Variants in CFAP58 observed in about 807,000 individuals in gnomAD.
CFAP58 encodes cilia- and flagella-associated protein 58.
Under a neutral mutation model 119.5 loss-of-function variants are expected in CFAP58, and 88 were observed. That is an observed-to-expected ratio of 0.74 (90% CI 0.62 to 0.88). The LOEUF (loss-of-function observed/expected upper bound fraction) is 0.88, where lower values mean the gene tolerates loss of function less well. Ranked by LOEUF, CFAP58 falls within the 40% of genes least tolerant of loss-of-function variation. CFAP58 has a pLI of 0.00. For synonymous variants in CFAP58, 365 were observed against 366.3 expected (o/e 1.00, Z 0.04); for missense variants, 990 against 1,021.2 (o/e 0.97, Z 0.42).
Position 104,365,134 on chromosome 10 carries a change from T to TA in CFAP58, c.597+246dup, listed in dbSNP as rs1442149552. On this transcript the variant is annotated intron_variant, in intron 4 of 17. Transcript: ENST00000369704. Reference sequence around the variant, plus strand: ...GTCACTGAGGCGGGCACTCCCTACTTACAATTCTGGCTCAAAAAGATGATC... The same window carrying TA: ...GTCACTGAGGCGGGCACTCCCTACTTAACAATTCTGGCTCAAAAAGATGATC... 2.0e-5 allele frequency among the ~76,000 whole-genome samples: 3 copies of TA among 152,154 alleles called. No homozygotes were observed. In the East Asian group the frequency reaches 5.8e-4, roughly 29 times the overall value.
At chr10:104,398,632 A>G (rs1016851458) in intron 11 of CFAP58, among the ~76,000 whole-genome samples, 10 of 152,180 alleles carry the variant, frequency 6.6e-5, no homozygotes, top group African/African-American at 2.4e-4. Flanking sequence ...TCTCTGAGAA[A>G]GCAGTCCTGC....
At chr10:104,446,402 G>A (rs2013113846) in intron 15 of CFAP58, among the ~76,000 whole-genome samples, 1 of 152,102 alleles carries the variant, frequency 6.6e-6, no homozygotes, top group Non-Finnish European at 1.5e-5. Flanking sequence ...TCTATAAATA[G>A]AGCTATGTTT....
In CFAP58 at chr10:104,354,240, A is replaced by C. The variant is rs146198448; in HGVS notation, c.9+334A>C. ...GTGATACCATAAGAGAGGCTCACAC[A>C]GAAATATTGGAGATGTCTTATCTCA... is the stretch of plus-strand genomic sequence containing the variant. On this transcript the variant is annotated intron_variant, in intron 1 of 17. Coordinates refer to ENST00000369704, the MANE Select transcript of CFAP58 (RefSeq NM_001008723.2). Among the ~76,000 whole-genome samples the C allele has an allele frequency of 2.0e-4, 30 of 152,302 alleles. 1 individual carries two copies. Among genetic ancestry groups the C allele is most frequent in the East Asian group, 7.7e-4 (4 of 5,184 alleles).
intron 2 of CFAP58, among the ~76,000 whole-genome samples, chr10:104,359,000 G>C (rs1472773688): frequency 6.6e-6 from 1 of 152,126 alleles, no homozygotes; most frequent in Non-Finnish European, 1.5e-5. Context: ...TTTTTCTCCT[G>C]TTTTAGTAAA....
intron 9 of CFAP58, 24 bp from the exon 10 acceptor site, chr10:104,392,209 T>C: frequency 6.2e-7 from 1 of 1,602,106 alleles, no homozygotes; most frequent in Non-Finnish European, 8.5e-7. Context: ...TTTAACCACA[T>C]TCATATATGT....
upstream of CFAP58, among the ~76,000 whole-genome samples, chr10:104,350,986 C>T (rs1000560457): frequency 3.2e-4 from 49 of 152,128 alleles, no homozygotes; most frequent in Non-Finnish European, 2.4e-4. Flanking sequence ...TGACCAGGGC[C>T]CTCTAGGTCT....
the CFAP58 span, among the ~76,000 whole-genome samples, chr10:104,340,495 C>G: frequency 6.6e-6 from 1 of 152,156 alleles, no homozygotes; most frequent in African/African-American, 2.4e-5. Flanking sequence ...TCCTGGAACC[C>G]TCATGTCTGG....
chr10:104,434,521 T>C (rs12263098), intron 15 of CFAP58, among the ~76,000 whole-genome samples: 13,003 of 152,190 alleles, frequency 0.085, 1,557 homozygotes, highest in African/African-American at 0.26. Context: ...CACATGCCAT[T>C]AGGTTATCTA....
chr10:104,397,069 A>G (rs2133038563), intron 11 of CFAP58, among the ~76,000 whole-genome samples: 1 of 152,358 alleles, frequency 6.6e-6, no homozygotes, highest in South Asian at 2.1e-4. Context: ...TTTGAATATA[A>G]CAGGGGTTTC....
rs1345312677 is a variant in CFAP58 at position 104,438,370 on chromosome 10, TTTTG to T, written c.2257-9324_2257-9321del. Among the ~76,000 whole-genome samples the T allele has an allele frequency of 6.3e-4, 78 of 124,438 alleles. 4 individuals carry two copies. Among genetic ancestry groups the T allele is most frequent in the African/African-American group, 2.8e-3 (66 of 23,646 alleles). The allele number at this position is 124,438 out of a possible 152,430, so 81.6% of individuals were successfully genotyped here. A position where few individuals can be genotyped will look rare whatever the true frequency, so the allele number is the denominator to read the frequency against. On this transcript the variant is annotated intron_variant, in intron 15 of 17. Coordinates refer to ENST00000369704, the MANE Select transcript of CFAP58 (RefSeq NM_001008723.2). ...TTTGTTTTTTTTTTTTGTTTTTTTT[TTTTG>T]TTTTTTTTTTTTGAGACGGAGTCTC...
intron 15 of CFAP58, among the ~76,000 whole-genome samples, chr10:104,418,785 G>A (rs2012595709): frequency 6.6e-6 from 1 of 152,170 alleles, no homozygotes; most frequent in Non-Finnish European, 1.5e-5. Context: ...TACACTAAAG[G>A]TAATTCTTGC....
At chr10:104,349,666 G>A (rs939143534), upstream of CFAP58, among the ~76,000 whole-genome samples, 1 of 152,336 alleles carries the variant, frequency 6.6e-6, no homozygotes, top group Middle Eastern at 3.4e-3. Context: ...AGCTCCTGTA[G>A]TTTGACGGTG....
intron 9 of CFAP58, among the ~76,000 whole-genome samples, chr10:104,389,893 T>G (rs2011998804): frequency 6.6e-6 from 1 of 152,192 alleles, no homozygotes; most frequent in African/African-American, 2.4e-5. Flanking sequence ...GGAAAATGCA[T>G]GCAGAATCCT....
chr10:104,416,186 A>G (rs1398716663), intron 15 of CFAP58, among the ~76,000 whole-genome samples: 3 of 152,212 alleles, frequency 2.0e-5, no homozygotes, highest in Non-Finnish European at 4.4e-5. Flanking sequence ...ATGTATTACT[A>G]GAAGGGTTAA....
upstream of CFAP58, chr10:104,353,643 G>A: frequency 4.0e-6 from 2 of 501,006 alleles, no homozygotes; most frequent in Non-Finnish European, 7.3e-6. Context: ...CGCCCCATTG[G>A]GATATATTTG....
chr10:104,382,227 G>T, intron 9 of CFAP58: 1 of 716,970 alleles, frequency 1.4e-6, no homozygotes, highest in South Asian at 1.5e-5. Flanking sequence ...GAAGGGCACA[G>T]ATCCTACCCA....
intron 16 of CFAP58, among the ~76,000 whole-genome samples, chr10:104,449,584 G>A (rs886986458): frequency 3.9e-5 from 6 of 152,148 alleles, no homozygotes; most frequent in African/African-American, 1.2e-4. Context: ...CACAACCCTG[G>A]AAAACACATA....
chr10:104,368,458 A>G lies in CFAP58; in HGVS notation c.828A>G (p.Gln276=). ...LNERAAKELE[Q]FQMRNAKLQQ... is the part of the protein sequence containing the mutation. ...AGAGAGCTGCAAAGGAACTCGAGCA[A>G]TTTCAGATGAGAAATGCTAAACTTC... The change falls in exon 6 of 18, where the codon CAA becomes CAG. Residue 276 remains glutamine (Q), a synonymous_variant. Transcript: ENST00000369704. The G allele has an allele frequency of 6.2e-7, 1 of 1,613,958 alleles. No homozygotes were observed. The highest frequency in any genetic ancestry group is 8.5e-7 in the Non-Finnish European group (1 of 1,179,898).
intron 2 of CFAP58, among the ~76,000 whole-genome samples, chr10:104,360,808 T>G (rs2014656895): frequency 6.6e-6 from 1 of 152,204 alleles, no homozygotes; most frequent in African/African-American, 2.4e-5. Context: ...GCAAAGGACA[T>G]GATCTTGTAC....
Sources: allele counts gnomAD v4.1 joint callset (sites outside exome capture counted in the v4.1 genomes callset), GRCh38; gene constraint gnomAD v4.1.1; transcripts MANE v1.5; gene names NCBI Gene and HGNC (gene_info 2026-07-23, HGNC 2026-07-21).